The following CENPC variants were observed in gnomAD, a reference collection of about 807,000 sequenced individuals.
The protein encoded by CENPC is centromere protein C, also known as CENP-C 1.
In CENPC, 63 loss-of-function variants were observed where a neutral mutation model predicts 112.1. The ratio of observed to expected loss-of-function variants is 0.56; its 90% confidence interval spans 0.46 to 0.69. CENPC has a LOEUF of 0.69. Among genes scored for constraint, CENPC ranks in the 30% least tolerant of loss-of-function variants. CENPC has a pLI of 0.00. For missense variants in CENPC, 1,000 were observed against 1,103.8 expected, an observed-to-expected ratio of 0.91 and a Z score of 1.33; for synonymous variants, 333 against 367.6, an observed-to-expected ratio of 0.91 and a Z score of 1.08.
chr4:67,495,714 G>A (rs749971390), intron 12 of CENPC, among the ~76,000 whole-genome samples: 1 of 152,188 alleles, frequency 6.6e-6, no homozygotes, highest in Non-Finnish European at 1.5e-5. Context: ...TAAGCCACTT[G>A]TGGATAAAAA....
chr4:67,495,249 TG>T (rs769503223), intron 12 of CENPC, 37 bp from the exon 13 acceptor site: 1 of 1,459,774 alleles, frequency 6.9e-7, no homozygotes. Context: ...AAGAAATGAC[TG>T]CTAATTCCAT....
At chr4:67,490,837 A>AT (rs1725229383) in intron 16 of CENPC, among the ~76,000 whole-genome samples, 15 of 57,084 alleles carry the variant, frequency 2.6e-4, no homozygotes, top group African/African-American at 8.9e-4. Flanking sequence ...TATAGAAATA[A>AT]ATATATATAT....
chr4:67,542,417 CTG>C (rs1469065458), intron 2 of CENPC, among the ~76,000 whole-genome samples: 5 of 152,200 alleles, frequency 3.3e-5, no homozygotes, highest in African/African-American at 9.6e-5. Context: ...TAATTAAAAA[CTG>C]TGAGCCACAG....
intron 10 of CENPC, among the ~76,000 whole-genome samples, chr4:67,508,513 TAAAAA>T (rs34160703): frequency 5.5e-5 from 5 of 91,180 alleles, no homozygotes; most frequent in East Asian, 3.5e-4. Context: ...CTCTGTCTCT[TAAAAA>T]AAAAAAAAAA....
At chr4:67,492,566 G>C (rs758326915) in intron 15 of CENPC, among the ~76,000 whole-genome samples, 1 of 152,154 alleles carries the variant, frequency 6.6e-6, no homozygotes, top group Non-Finnish European at 1.5e-5. Context: ...AAGTGAGATA[G>C]AGGTATATAA....
At chr4:67,507,088 G>C (rs1725758076) in intron 10 of CENPC, among the ~76,000 whole-genome samples, 154 bp from the exon 11 acceptor site, 1 of 152,154 alleles carries the variant, frequency 6.6e-6, no homozygotes, top group Non-Finnish European at 1.5e-5. Context: ...AACTAGCTAA[G>C]GAAGGAAACT....
In CENPC at chr4:67,518,036, A is replaced by G. The variant is rs543974525; in HGVS notation, c.830+120T>C. On this transcript the variant is annotated intron_variant, in intron 7 of 18. Transcript: ENST00000273853. ...TCCTTACAGGTCAGAAAAAATTTCA[A>G]TTAAAATTTTTGTTAATTAAATTAC... The G allele has an allele frequency of 1.4e-4, 80 of 587,934 alleles. No individual in the cohort carries two copies. The South Asian group carries it at 3.0e-3, about 22-fold the overall frequency. 36.4% of individuals were successfully genotyped at this position (587,934 alleles called of 1,614,324 possible). A position where few individuals can be genotyped will look rare whatever the true frequency, so the allele number is the denominator to read the frequency against.
At chr4:67,531,282 G>GA (rs900810982) in intron 4 of CENPC, among the ~76,000 whole-genome samples, 19 of 151,574 alleles carry the variant, frequency 1.3e-4, no homozygotes, top group Non-Finnish European at 2.1e-4. Flanking sequence ...ATTTTAACCA[G>GA]AAAAAAAAGC....
chr4:67,485,106 C>A (rs117485391), intron 17 of CENPC, among the ~76,000 whole-genome samples: 2 of 151,990 alleles, frequency 1.3e-5, no homozygotes, highest in Admixed American at 6.6e-5. Flanking sequence ...AAGATTATCA[C>A]CTACACTAAA....
chr4:67,472,686 A>C lies in CENPC; in HGVS notation c.2762-11T>G, dbSNP rs1443437577. On this transcript the variant is annotated splice_polypyrimidine_tract_variant and intron_variant, in intron 18 of 18. Coordinates refer to ENST00000273853, the MANE Select transcript of CENPC (RefSeq NM_001812.4). ...TGTTATAATAGTTACCTAAAAGTAAAGTGATAAGAAAATAAAAATTATTTA... is the reference window on the plus strand; with the variant it reads ...TGTTATAATAGTTACCTAAAAGTAACGTGATAAGAAAATAAAAATTATTTA... 6.7e-7 allele frequency: 1 copy of C among 1,492,734 alleles called. No homozygotes were observed. Among genetic ancestry groups the C allele is most frequent in the East Asian group, 2.5e-5 (1 of 39,666 alleles). 92.5% of individuals were successfully genotyped at this position (1,492,734 alleles called of 1,614,324 possible).
At chr4:67,506,239 T>C (rs1725729503) in intron 11 of CENPC, among the ~76,000 whole-genome samples, 1 of 152,238 alleles carries the variant, frequency 6.6e-6, no homozygotes, top group Non-Finnish European at 1.5e-5. Context: ...AATTCTTTAA[T>C]ACACCACCTT....
At chr4:67,528,466 A>T (rs1206023640) in intron 5 of CENPC, among the ~76,000 whole-genome samples, 2 of 152,172 alleles carry the variant, frequency 1.3e-5, no homozygotes, top group African/African-American at 2.4e-5. Flanking sequence ...TCAAACATTA[A>T]ATCACCATTA....
intron 17 of CENPC, among the ~76,000 whole-genome samples, chr4:67,485,512 G>C (rs183671711): frequency 2.0e-5 from 3 of 152,140 alleles, no homozygotes; most frequent in African/African-American, 7.2e-5. Flanking sequence ...AATTTGGGAC[G>C]TAATTAGGTC....
chr4:67,487,941 T>A (rs1397669703), intron 17 of CENPC, among the ~76,000 whole-genome samples: 2 of 151,726 alleles, frequency 1.3e-5, no homozygotes, highest in East Asian at 3.8e-4. Flanking sequence ...TTTGTAAGTG[T>A]GCTTCATGTT....
intron 12 of CENPC, among the ~76,000 whole-genome samples, chr4:67,499,912 T>C (rs1725545718): frequency 6.6e-6 from 1 of 152,140 alleles, no homozygotes; most frequent in African/African-American, 2.4e-5. Flanking sequence ...AATTTCAATA[T>C]TGTGTCTCAG....
intron 9 of CENPC, chr4:67,510,910 T>C: frequency 2.3e-6 from 1 of 439,554 alleles, no homozygotes; most frequent in Non-Finnish European, 4.6e-6. Context: ...GACTCTTAAA[T>C]AAGTGTTTTT....
At chr4:67,524,895 T>A (rs771583108) in intron 5 of CENPC, among the ~76,000 whole-genome samples, 1 of 152,050 alleles carries the variant, frequency 6.6e-6, no homozygotes, top group Non-Finnish European at 1.5e-5. Flanking sequence ...AAGAACAAAG[T>A]GGAAGGCATC....
chr4:67,506,684 G>A, intron 11 of CENPC, 104 bp downstream of exon 11: 3 of 964,560 alleles, frequency 3.1e-6, no homozygotes, highest in Non-Finnish European at 4.3e-6. Context: ...AACAATAAGT[G>A]TTTTTAAGCT....
chr4:67,480,134 A>G (rs1724913009), intron 17 of CENPC, among the ~76,000 whole-genome samples: 1 of 152,226 alleles, frequency 6.6e-6, no homozygotes, highest in African/African-American at 2.4e-5. Flanking sequence ...AGGCTGGCCA[A>G]CATGGCAAAA....
Sources: gnomAD v4.1 joint callset for allele counts (sites outside exome capture counted in the v4.1 genomes callset) on GRCh38, gnomAD v4.1.1 for gene constraint, MANE v1.5 for transcripts, NCBI Gene and HGNC (gene_info 2026-07-23, HGNC 2026-07-21) for gene names.